MEGF10: variants seen among roughly 807,000 people sequenced by gnomAD.
The protein encoded by MEGF10 is multiple epidermal growth factor-like domains protein 10.
In MEGF10, 86 loss-of-function variants were observed where a neutral mutation model predicts 147.5. That is an observed-to-expected ratio of 0.58 (90% CI 0.49 to 0.70). The LOEUF is 0.70. MEGF10 is among the 30% of genes least tolerant of loss of function. The probability of loss-of-function intolerance (pLI) is 0.00; values close to 1 mark genes in which losing one functional copy is unlikely to be tolerated. For synonymous variants in MEGF10, 478 were observed against 525.5 expected, an observed-to-expected ratio of 0.91 and a Z score of 1.24; for missense variants, 1,329 against 1,487.3, an observed-to-expected ratio of 0.89 and a Z score of 1.75.
At position 127,445,537 on chromosome 5, in the gene MEGF10, G is replaced by A. The variant is rs1765911341; in HGVS notation, c.2572G>A (p.Ala858Thr). Residue 858 changes from alanine (A) to threonine (T), a missense_variant, in exon 20 of 25, where the codon GCC (alanine) becomes ACC (threonine). Around this residue, in one of 3 missense-constraint regions of MEGF10, gnomAD observed 343 missense variants for 377.9 expected, o/e 0.91. Transcript: ENST00000503335. ...CCCTGCTGATTCCTACCAGATCGGGGCCATTGCAGGCATCATCATTCTTGT... is the reference window on the plus strand; with the variant it reads ...CCCTGCTGATTCCTACCAGATCGGGACCATTGCAGGCATCATCATTCTTGT... ...ALPADSYQIG[A>T]IAGIIILVLV... 6.2e-7 allele frequency: 1 copy of A among 1,614,032 alleles called. No homozygotes were observed.
At chr5:127,298,223 T>C (rs1212807575) in intron 1 of MEGF10, among the ~76,000 whole-genome samples, 1 of 152,164 alleles carries the variant, frequency 6.6e-6, no homozygotes, top group Non-Finnish European at 1.5e-5. Flanking sequence ...CCAGGTGGCT[T>C]CAGCGCTGTC....
the MEGF10 span, among the ~76,000 whole-genome samples, chr5:127,235,506 T>A: frequency 6.6e-6 from 1 of 152,282 alleles, no homozygotes; most frequent in Non-Finnish European, 1.5e-5. Context: ...TAGTTGTTTT[T>A]AGCTATTTGT....
chr5:127,328,642 G>A (rs1761135737), intron 1 of MEGF10, among the ~76,000 whole-genome samples: 2 of 152,250 alleles, frequency 1.3e-5, no homozygotes. Flanking sequence ...TTCATGGCTT[G>A]GGACAATTTC....
At chr5:127,333,167 C>A (rs1056315126) in intron 2 of MEGF10, among the ~76,000 whole-genome samples, 3 of 151,920 alleles carry the variant, frequency 2.0e-5, no homozygotes, top group African/African-American at 7.3e-5. Context: ...TTGGGAATAT[C>A]CAGCATGATG....
intron 1 of MEGF10, among the ~76,000 whole-genome samples, chr5:127,297,693 A>G (rs1044838011): frequency 5.9e-5 from 9 of 152,190 alleles, no homozygotes; most frequent in African/African-American, 1.9e-4. Context: ...TTTGAGAATA[A>G]TTTTATAATA....
At chr5:127,420,331 G>C in intron 12 of MEGF10, 124 bp downstream of exon 12, 1 of 1,037,770 alleles carries the variant, frequency 9.6e-7, no homozygotes. Flanking sequence ...GGTAACTACT[G>C]GAAGAATCCA....
chr5:127,233,863 T>C, the MEGF10 span, among the ~76,000 whole-genome samples: 2 of 152,176 alleles, frequency 1.3e-5, no homozygotes, highest in African/African-American at 4.8e-5. Context: ...TTGAGAGGTT[T>C]CCTGTTGCAT....
chr5:127,411,415 A>G (rs992354114), intron 9 of MEGF10, among the ~76,000 whole-genome samples: 1 of 152,268 alleles, frequency 6.6e-6, no homozygotes, highest in Non-Finnish European at 1.5e-5. Context: ...CACAGCTGTT[A>G]CTTCATTTAT....
At chr5:127,345,228 T>C (rs1761839146) in intron 4 of MEGF10, among the ~76,000 whole-genome samples, 1 of 152,166 alleles carries the variant, frequency 6.6e-6, no homozygotes, top group South Asian at 2.1e-4. Flanking sequence ...TAGAGCATGA[T>C]GAAGAGACTG....
intron 13 of MEGF10, among the ~76,000 whole-genome samples, chr5:127,430,689 A>G (rs1204541511): frequency 6.6e-6 from 1 of 152,218 alleles, no homozygotes; most frequent in Admixed American, 6.5e-5. Context: ...ACAGAGGGCC[A>G]GAAGGGGAGA....
intron 20 of MEGF10, 27 bp from the exon 21 acceptor site, chr5:127,447,530 C>T: frequency 6.2e-7 from 1 of 1,613,762 alleles, no homozygotes; most frequent in South Asian, 1.1e-5. Context: ...AGCCTGCTGC[C>T]TTAACCATTT....
rs912553674 is a variant in MEGF10, at chr5:127,461,162, A to G, written c.*3844A>G. The G allele has an allele frequency of 6.6e-6, 1 of 152,214 alleles. No homozygotes were observed. 9.4% of individuals were successfully genotyped at this position (152,214 alleles called of 1,614,324 possible). ...TAAACTTTCATCGTTCTTAGCCTAC[A>G]TTGTCATTTATATCACCAAATGAGT... is the stretch of plus-strand genomic sequence containing the variant. On this transcript the variant is annotated 3_prime_UTR_variant, in exon 25 of 25. Coordinates refer to ENST00000503335, the MANE Select transcript of MEGF10 (RefSeq NM_001256545.2).
At chr5:127,344,557 C>T (rs1313869190) in intron 4 of MEGF10, among the ~76,000 whole-genome samples, 1 of 152,058 alleles carries the variant, frequency 6.6e-6, no homozygotes, top group Non-Finnish European at 1.5e-5. Context: ...TTATCCAACT[C>T]CTGTCCATGT....
chr5:127,300,015 T>C (rs1759699007), intron 1 of MEGF10: 1 of 152,228 alleles, frequency 6.6e-6, no homozygotes, highest in Non-Finnish European at 1.5e-5. Flanking sequence ...GCAAATCCAT[T>C]AAAGAAGGAG....
chr5:127,247,328 A>G, the MEGF10 span, among the ~76,000 whole-genome samples: 10 of 2,642 alleles, frequency 3.8e-3, no homozygotes, highest in South Asian at 0.042. Context: ...GAGAAGAAGA[A>G]GAAGAAGAAG....
chr5:127,361,991 C>T (rs907097556), intron 4 of MEGF10, among the ~76,000 whole-genome samples: 5 of 152,052 alleles, frequency 3.3e-5, no homozygotes, highest in Admixed American at 3.3e-4. Flanking sequence ...CAAATATATT[C>T]TGCTGTTATT....
the MEGF10 span, among the ~76,000 whole-genome samples, chr5:127,247,374 G>C: frequency 2.9e-3 from 26 of 8,842 alleles, 1 homozygote; most frequent in Non-Finnish European, 3.6e-3. Flanking sequence ...AGAAGAAGAA[G>C]AAGAAGAAGA....
chr5:127,270,786 A>G, the MEGF10 span, among the ~76,000 whole-genome samples: 1 of 152,140 alleles, frequency 6.6e-6, no homozygotes, highest in Non-Finnish European at 1.5e-5. Flanking sequence ...TGTTTTCATA[A>G]TTTAGCTCCC....
chr5:127,415,211 G>C (rs1316682037), intron 9 of MEGF10, among the ~76,000 whole-genome samples: 1 of 152,140 alleles, frequency 6.6e-6, no homozygotes, highest in African/African-American at 2.4e-5. Flanking sequence ...CTGTATTTAG[G>C]GTGATTGTAT....
Sources: gnomAD v4.1 joint callset for allele counts (sites outside exome capture counted in the v4.1 genomes callset) on GRCh38, gnomAD v4.1.1 for gene constraint, gnomAD v4.1.1 regional missense constraint, MANE v1.5 for transcripts, NCBI Gene and HGNC (gene_info 2026-07-23, HGNC 2026-07-21) for gene names.